PTPRD: variants seen among roughly 807,000 people sequenced by gnomAD.
PTPRD encodes the protein protein tyrosine phosphatase receptor type D, also known as receptor-type tyrosine-protein phosphatase delta.
In PTPRD, 34 loss-of-function variants were observed where a neutral mutation model predicts 214.5. The observed-to-expected ratio is 0.16, with a 90% confidence interval of 0.12 to 0.21. PTPRD has a LOEUF of 0.21. Among genes scored for constraint, PTPRD ranks in the 10% least tolerant of loss-of-function variants. The pLI is 1.00. For synonymous variants in PTPRD, 1,128 were observed against 845.7 expected (o/e 1.33, Z -5.79); for missense variants, 2,545 against 2,398.7 (o/e 1.06, Z -1.27).
intron 11 of PTPRD, among the ~76,000 whole-genome samples, chr9:8,872,014 T>C (rs964105546): frequency 2.6e-5 from 4 of 152,050 alleles, no homozygotes; most frequent in African/African-American, 7.2e-5. Context: ...TCAATCAACA[T>C]TGAGGGCCAA....
At chr9:10,031,444 C>T (rs1386759926) in intron 4 of PTPRD, among the ~76,000 whole-genome samples, 2 of 151,068 alleles carry the variant, frequency 1.3e-5, no homozygotes, top group Non-Finnish European at 2.9e-5. Flanking sequence ...TGTGAAAAGG[C>T]GAGACTGTCC....
intron 14 of PTPRD, among the ~76,000 whole-genome samples, chr9:8,590,871 T>C (rs1303887154): frequency 6.6e-6 from 1 of 152,168 alleles, no homozygotes. Flanking sequence ...ACATTTATTA[T>C]TTTTCAGTTC....
chr9:8,866,171 T>A (rs973008018), intron 11 of PTPRD, among the ~76,000 whole-genome samples: 1 of 152,158 alleles, frequency 6.6e-6, no homozygotes, highest in Non-Finnish European at 1.5e-5. Context: ...ACTGAACAAG[T>A]CTTGGAGAGA....
chr9:9,817,004 T>C (rs976090835), intron 5 of PTPRD, among the ~76,000 whole-genome samples: 5 of 152,032 alleles, frequency 3.3e-5, no homozygotes, highest in African/African-American at 1.2e-4. Context: ...ACTACAGCAT[T>C]AGAAAACATA....
chr9:9,767,593 T>A (rs2154479817), intron 5 of PTPRD, among the ~76,000 whole-genome samples: 1 of 152,218 alleles, frequency 6.6e-6, no homozygotes, highest in Non-Finnish European at 1.5e-5. Flanking sequence ...GCAAATGTGA[T>A]AAATCTAATT....
intron 11 of PTPRD, among the ~76,000 whole-genome samples, chr9:8,826,146 C>G (rs1396788123): frequency 6.6e-6 from 1 of 152,054 alleles, no homozygotes; most frequent in Non-Finnish European, 1.5e-5. Context: ...AATCTTCCTC[C>G]TCCTCCACAC....
chr9:9,785,608 G>A (rs2098917111), intron 5 of PTPRD, among the ~76,000 whole-genome samples: 1 of 152,004 alleles, frequency 6.6e-6, no homozygotes, highest in African/African-American at 2.4e-5. Flanking sequence ...TTTAGCAATG[G>A]TCACAGATCA....
chr9:9,079,811 C>T (rs2099756470), intron 10 of PTPRD, among the ~76,000 whole-genome samples: 2 of 152,120 alleles, frequency 1.3e-5, no homozygotes, highest in South Asian at 2.1e-4. Flanking sequence ...AGCCCATATG[C>T]TGTGGTTATG....
intron 12 of PTPRD, among the ~76,000 whole-genome samples, chr9:8,652,799 G>A (rs147474699): frequency 6.6e-6 from 1 of 152,122 alleles, no homozygotes. Flanking sequence ...TTGTATTTGA[G>A]TAACAGAAGC....
intron 3 of PTPRD, among the ~76,000 whole-genome samples, chr9:10,260,489 T>C (rs1462580247): frequency 1.3e-5 from 2 of 152,172 alleles, no homozygotes; most frequent in Non-Finnish European, 1.5e-5. Context: ...GCATTCCAAC[T>C]AAGATGTATT....
chr9:8,335,374 A>G (rs1845614087), intron 43 of PTPRD, among the ~76,000 whole-genome samples: 1 of 152,174 alleles, frequency 6.6e-6, no homozygotes, highest in African/African-American at 2.4e-5. Context: ...TCACATACAC[A>G]GAACCAATGA....
intron 7 of PTPRD, among the ~76,000 whole-genome samples, chr9:9,731,594 T>C (rs535215120): frequency 6.6e-5 from 10 of 152,220 alleles, no homozygotes; most frequent in Non-Finnish European, 1.3e-4. Context: ...TATCTCCTAA[T>C]GCTATCCTTC....
chr9:8,790,221 GC>G (rs1482115331), intron 11 of PTPRD, among the ~76,000 whole-genome samples: 1 of 151,756 alleles, frequency 6.6e-6, no homozygotes, highest in African/African-American at 2.4e-5. Flanking sequence ...TCACTACGTT[GC>G]CCAGACTGGT....
intron 2 of PTPRD, among the ~76,000 whole-genome samples, chr9:10,605,692 C>G (rs2079117877): frequency 6.6e-6 from 1 of 151,646 alleles, no homozygotes; most frequent in Admixed American, 6.6e-5. Context: ...GGAGAAATGC[C>G]TTAGGGAAGA....
intron 14 of PTPRD, among the ~76,000 whole-genome samples, chr9:8,583,891 C>T (rs2093407246): frequency 6.6e-6 from 1 of 152,202 alleles, no homozygotes; most frequent in Admixed American, 6.5e-5. Context: ...GTGGCTCATG[C>T]CTGTAATCTC....
chr9:9,997,664 A>G (rs918923119), intron 4 of PTPRD, among the ~76,000 whole-genome samples: 1 of 152,174 alleles, frequency 6.6e-6, no homozygotes, highest in Non-Finnish European at 1.5e-5. Flanking sequence ...GTTCTTGGTA[A>G]GGCTTTTTCT....
At chr9:9,772,946 T>C (rs1311619272) in intron 5 of PTPRD, among the ~76,000 whole-genome samples, 1 of 152,204 alleles carries the variant, frequency 6.6e-6, no homozygotes, top group Non-Finnish European at 1.5e-5. Flanking sequence ...GTACTATTTA[T>C]GCTAGTCCCC....
At chr9:9,272,736 G>A (rs752445879) in intron 9 of PTPRD, among the ~76,000 whole-genome samples, 1 of 151,044 alleles carries the variant, frequency 6.6e-6, no homozygotes, top group Non-Finnish European at 1.5e-5. Context: ...TTTGACACAC[G>A]TTATTCCTTC....
At chr9:8,374,249 C>G (rs1174490921) in intron 39 of PTPRD, among the ~76,000 whole-genome samples, 4 of 151,216 alleles carry the variant, frequency 2.6e-5, no homozygotes, top group African/African-American at 4.9e-5. Flanking sequence ...TATCTGAAAA[C>G]AATTCATGTG....
Sources: allele counts gnomAD v4.1 joint callset (sites outside exome capture counted in the v4.1 genomes callset), GRCh38; gene constraint gnomAD v4.1.1; transcripts MANE v1.5; gene names NCBI Gene and HGNC (gene_info 2026-07-23, HGNC 2026-07-21).